The following NOS1AP variants were observed in gnomAD, a reference collection of about 807,000 sequenced individuals.
The protein encoded by NOS1AP is carboxyl-terminal PDZ ligand of neuronal nitric oxide synthase protein.
In NOS1AP, 21 loss-of-function variants were observed where a neutral mutation model predicts 56.2. The ratio of observed to expected loss-of-function variants is 0.37; its 90% confidence interval spans 0.26 to 0.54. The LOEUF (loss-of-function observed/expected upper bound fraction) is 0.54. Ranked by LOEUF, NOS1AP falls within the 20% of genes least tolerant of loss-of-function variation. The pLI is 0.84. For missense variants in NOS1AP, 522 were observed against 657.8 expected, an observed-to-expected ratio of 0.79 and a Z score of 2.26; for synonymous variants, 270 against 274.6, an observed-to-expected ratio of 0.98 and a Z score of 0.17.
intron 1 of NOS1AP, among the ~76,000 whole-genome samples, chr1:162,130,480 GCT>G (rs1360027795): frequency 6.6e-6 from 1 of 152,206 alleles, no homozygotes; most frequent in Non-Finnish European, 1.5e-5. Context: ...CAGCTGCCCT[GCT>G]CTGTTTCTCA....
At chr1:162,082,897 T>C (rs368174989) in intron 1 of NOS1AP, among the ~76,000 whole-genome samples, 1 of 650 alleles carries the variant, frequency 1.5e-3, no homozygotes, top group African/African-American at 1.6e-3. Context: ...TTCTTTTTTT[T>C]TTTTTTTTTT....
chr1:162,126,004 T>C (rs915529232), intron 1 of NOS1AP, among the ~76,000 whole-genome samples: 1 of 152,174 alleles, frequency 6.6e-6, no homozygotes, highest in Non-Finnish European at 1.5e-5. Context: ...TGGTTAAATA[T>C]ATTTCTAGAT....
At chr1:162,186,398 A>AAAAAC (rs1046780016) in intron 2 of NOS1AP, among the ~76,000 whole-genome samples, 3 of 152,086 alleles carry the variant, frequency 2.0e-5, no homozygotes, top group African/African-American at 4.8e-5. Context: ...GATGAAGAAA[A>AAAAAC]AAAACAAAAC....
At chr1:162,195,358 A>G (rs1282800646) in intron 2 of NOS1AP, among the ~76,000 whole-genome samples, 1 of 151,904 alleles carries the variant, frequency 6.6e-6, no homozygotes, top group Non-Finnish European at 1.5e-5. Context: ...TTTAATCACC[A>G]TTGTACTTGC....
chr1:162,264,849 T>TGTC (rs1654369613), intron 2 of NOS1AP, among the ~76,000 whole-genome samples: 1 of 146,620 alleles, frequency 6.8e-6, no homozygotes, highest in Non-Finnish European at 1.5e-5. Flanking sequence ...GGTTGCACTC[T>TGTC]GTCACCCACA....
chr1:162,355,367 G>A lies in NOS1AP; in HGVS notation c.762+14G>A. On this transcript the variant is annotated intron_variant, in intron 7 of 9. Coordinates refer to ENST00000361897, the MANE Select transcript of NOS1AP (RefSeq NM_014697.3). ...ACAGGCTCCAAGGTAGGCAAGAGAT[G>A]GCCCATCTGTGTGATCTGCACACGT... 2 of 1,614,004 alleles carry A rather than the reference G, an allele frequency of 1.2e-6. No homozygotes were observed. Among genetic ancestry groups the A allele is most frequent in the Non-Finnish European group, 1.7e-6 (2 of 1,180,002 alleles).
intron 2 of NOS1AP, among the ~76,000 whole-genome samples, chr1:162,201,727 T>C (rs56074757): frequency 0.16 from 24,005 of 152,234 alleles, 2,099 homozygotes; most frequent in South Asian, 0.23. Flanking sequence ...TTTCCATATG[T>C]TTGTCCTGCA....
intron 2 of NOS1AP, among the ~76,000 whole-genome samples, chr1:162,204,247 T>G (rs945496390): frequency 8.5e-5 from 13 of 152,234 alleles, no homozygotes; most frequent in African/African-American, 3.1e-4. Flanking sequence ...ACAGCTGGGC[T>G]TCTTTCAGCA....
Position 162,370,234 on chromosome 1 carries a change from C to G in NOS1AP, c.*2767C>G, listed in dbSNP as rs1471214924. ...TATCAATGCTCTCTCTGTAAAACCT[C>G]TTCCTAGCCTCATTTCTCTCAACTG... On this transcript the variant is annotated 3_prime_UTR_variant, in exon 10 of 10. Transcript: ENST00000361897. 1 of 152,230 alleles carries G rather than the reference C, an allele frequency of 6.6e-6. No individual in the cohort carries two copies. Among genetic ancestry groups the G allele is most frequent in the Non-Finnish European group, 1.5e-5 (1 of 68,064 alleles). 9.4% of individuals were successfully genotyped at this position (152,230 alleles called of 1,614,324 possible).
chr1:162,220,277 C>G (rs1652725555), intron 2 of NOS1AP, among the ~76,000 whole-genome samples: 1 of 152,078 alleles, frequency 6.6e-6, no homozygotes, highest in Non-Finnish European at 1.5e-5. Context: ...AAGCTTCTTC[C>G]TTCTGTATAA....
At chr1:162,329,733 C>T (rs939100593) in intron 4 of NOS1AP, among the ~76,000 whole-genome samples, 1 of 152,114 alleles carries the variant, frequency 6.6e-6, no homozygotes, top group Non-Finnish European at 1.5e-5. Flanking sequence ...AATTTGGACC[C>T]AAGAGACATT....
At chr1:162,175,613 G>A (rs1651019288) in intron 2 of NOS1AP, among the ~76,000 whole-genome samples, 1 of 152,162 alleles carries the variant, frequency 6.6e-6, no homozygotes, top group Non-Finnish European at 1.5e-5. Context: ...CAGGATCGGA[G>A]GTGTGGGGGT....
chr1:162,335,563 G>T (rs533047855), intron 5 of NOS1AP, among the ~76,000 whole-genome samples: 103 of 152,322 alleles, frequency 6.8e-4, no homozygotes, highest in African/African-American at 2.4e-3. Context: ...TGCTTCAGAA[G>T]TGGTGGGCGG....
At chr1:162,249,261 C>G (rs931272921) in intron 2 of NOS1AP, among the ~76,000 whole-genome samples, 1 of 152,122 alleles carries the variant, frequency 6.6e-6, no homozygotes, top group Non-Finnish European at 1.5e-5. Flanking sequence ...GCACCAGATA[C>G]CCTGCAGATT....
chr1:162,207,648 A>G (rs1178502897), intron 2 of NOS1AP, among the ~76,000 whole-genome samples: 1 of 152,172 alleles, frequency 6.6e-6, no homozygotes, highest in Non-Finnish European at 1.5e-5. Flanking sequence ...TGGTTGGTGT[A>G]GTGTATTCTT....
intron 3 of NOS1AP, among the ~76,000 whole-genome samples, chr1:162,296,252 A>G (rs1655456388): frequency 6.6e-6 from 1 of 152,110 alleles, no homozygotes; most frequent in African/African-American, 2.4e-5. Context: ...GCGCCACTGC[A>G]CTCCAGCCTG....
At chr1:162,071,189 AGAGAGACCCAGG>A (rs1691653365) in intron 1 of NOS1AP, among the ~76,000 whole-genome samples, 1 of 152,198 alleles carries the variant, frequency 6.6e-6, no homozygotes, top group Non-Finnish European at 1.5e-5. Context: ...TCTGTGACGT[AGAGAGACCCAGG>A]GACTTTCGGC....
intron 2 of NOS1AP, among the ~76,000 whole-genome samples, chr1:162,194,470 A>C (rs1367090967): frequency 6.6e-6 from 1 of 152,026 alleles, no homozygotes; most frequent in East Asian, 1.9e-4. Flanking sequence ...TTGTGTTGAG[A>C]CGTTTTCTCA....
chr1:162,203,766 T>G (rs1019759255), intron 2 of NOS1AP, among the ~76,000 whole-genome samples: 2 of 152,128 alleles, frequency 1.3e-5, no homozygotes, highest in Non-Finnish European at 2.9e-5. Flanking sequence ...AAAAGCAAGC[T>G]CCACCTTGCT....
Sources: allele counts gnomAD v4.1 joint callset (sites outside exome capture counted in the v4.1 genomes callset), GRCh38; gene constraint gnomAD v4.1.1; transcripts MANE v1.5; gene names NCBI Gene and HGNC (gene_info 2026-07-23, HGNC 2026-07-21).